PDE12: variants seen among roughly 807,000 people sequenced by gnomAD.
PDE12 encodes the protein 2',5'-phosphodiesterase 12.
Under a neutral mutation model 45.4 loss-of-function variants are expected in PDE12, and 26 were observed. The observed-to-expected ratio is 0.57, with a 90% CI of 0.42 to 0.79. PDE12 has a LOEUF of 0.79. PDE12 is among the 30% of genes least tolerant of loss of function. The pLI, the probability that PDE12 is intolerant of heterozygous loss-of-function variation, is 0.00. For missense variants in PDE12, 668 were observed against 790.0 expected, an observed-to-expected ratio of 0.85 and a Z score of 1.85; for synonymous variants, 283 against 323.9, an observed-to-expected ratio of 0.87 and a Z score of 1.36.
Position 57,559,830 on chromosome 3 carries a change from T to C in PDE12, c.1656T>C (p.Tyr552=). Residue 552 remains tyrosine, a synonymous_variant, in exon 3 of 3, where the codon TAT becomes TAC. Coordinates refer to ENST00000311180, the MANE Select transcript of PDE12 (RefSeq NM_177966.7). ...SACGEPAYTN[Y]VGGFHGCLDY... ...GTGGTGAACCTGCTTACACAAATTATGTTGGTGGCTTTCATGGATGTCTAG... is the reference window on the plus strand; with the variant it reads ...GTGGTGAACCTGCTTACACAAATTACGTTGGTGGCTTTCATGGATGTCTAG... 6.2e-7 allele frequency: 1 copy of C among 1,614,224 alleles called. No individual in the cohort carries two copies. The highest frequency in any genetic ancestry group is 2.2e-5 in the East Asian group (1 of 44,876).
At chr3:57,616,499 GGAGGAA>G in the PDE12 span, among the ~76,000 whole-genome samples, 1,418 of 151,568 alleles carry the variant, frequency 9.4e-3, 12 homozygotes, top group Non-Finnish European at 0.013. Context: ...AGGAAGAGGA[GGAGGAA>G]GAGGAAGAGG....
At chr3:57,596,126 C>T in the PDE12 span, among the ~76,000 whole-genome samples, 1 of 152,132 alleles carries the variant, frequency 6.6e-6, no homozygotes, top group African/African-American at 2.4e-5. Flanking sequence ...CTTACTTCAG[C>T]CAACTGACAG....
At chr3:57,608,381 A>G in the PDE12 span, among the ~76,000 whole-genome samples, 1 of 152,186 alleles carries the variant, frequency 6.6e-6, no homozygotes, top group African/African-American at 2.4e-5. Context: ...AAATTCACAC[A>G]TAACAATATT....
the PDE12 span, among the ~76,000 whole-genome samples, chr3:57,580,241 T>C: frequency 7.9e-5 from 12 of 152,164 alleles, no homozygotes; most frequent in Non-Finnish European, 1.8e-4. Context: ...AAAATAAAAA[T>C]ACTAACTTCA....
chr3:57,607,799 T>C, the PDE12 span, among the ~76,000 whole-genome samples: 2 of 152,154 alleles, frequency 1.3e-5, no homozygotes, highest in South Asian at 4.2e-4. Flanking sequence ...TGGAGCCACG[T>C]TGGAAAACAC....
the PDE12 span, among the ~76,000 whole-genome samples, chr3:57,654,069 T>C: frequency 7.0e-6 from 1 of 142,164 alleles, no homozygotes; most frequent in Non-Finnish European, 1.5e-5. Context: ...TGCCTCAGCC[T>C]CCCAAGTAGC....
the PDE12 span, chr3:57,597,444 A>G: frequency 8.1e-6 from 2 of 247,490 alleles, no homozygotes; most frequent in East Asian, 9.2e-5. Context: ...CAACGCGGAC[A>G]GAATCGCGTC....
the PDE12 span, among the ~76,000 whole-genome samples, chr3:57,585,647 A>G: frequency 6.8e-6 from 1 of 147,518 alleles, no homozygotes; most frequent in African/African-American, 2.5e-5. Context: ...CATCTACAAT[A>G]TAAGTAATAT....
rs758179364 is a variant in PDE12 at position 57,559,620 on chromosome 3, A to C, written c.1446A>C (p.Ser482=). Residue 482 remains serine, a synonymous_variant, in exon 3 of 3, where the codon TCA becomes TCC. Transcript: ENST00000311180. ...CCTTGGCTCACATAAGACATGTTTC[A>C]TGTGATCTGTATCCTGGCATACCAG... ...AVALAHIRHV[S]CDLYPGIPVI... is the part of the protein sequence containing the mutation. 4.3e-6 allele frequency: 7 copies of C among 1,613,850 alleles called. No homozygotes were observed. The Admixed American group carries it at 1.2e-4, about 27-fold the overall frequency.
chr3:57,573,929 G>A, the PDE12 span, among the ~76,000 whole-genome samples: 2 of 150,828 alleles, frequency 1.3e-5, no homozygotes, highest in African/African-American at 4.9e-5. Flanking sequence ...ACAGGCAATA[G>A]GTTGTTTTTT....
At chr3:57,654,878 A>G in the PDE12 span, 1 of 771,682 alleles carries the variant, frequency 1.3e-6, no homozygotes, top group East Asian at 1.3e-4. Context: ...ACTTTCATTC[A>G]CACTAATAAA....
the PDE12 span, chr3:57,633,389 G>T: frequency 6.6e-7 from 1 of 1,521,156 alleles, no homozygotes; most frequent in Non-Finnish European, 9.1e-7. Flanking sequence ...CTGTATTCTA[G>T]TGTTGGAATA....
At chr3:57,613,013 CT>C in the PDE12 span, among the ~76,000 whole-genome samples, 1 of 152,082 alleles carries the variant, frequency 6.6e-6, no homozygotes, top group African/African-American at 2.4e-5. Flanking sequence ...CGGAGTCTCG[CT>C]CTGTTACCCA....
chr3:57,598,391 T>C, the PDE12 span, among the ~76,000 whole-genome samples: 1 of 152,198 alleles, frequency 6.6e-6, no homozygotes, highest in Non-Finnish European at 1.5e-5. Flanking sequence ...ATTTTTATAT[T>C]TTTGAAGGCT....
chr3:57,573,146 G>T, the PDE12 span, among the ~76,000 whole-genome samples: 1 of 150,138 alleles, frequency 6.7e-6, no homozygotes, highest in African/African-American at 2.4e-5. Context: ...AGCTTGCAGT[G>T]AGCCGAGATC....
At chr3:57,654,314 T>C in the PDE12 span, among the ~76,000 whole-genome samples, 2 of 152,082 alleles carry the variant, frequency 1.3e-5, no homozygotes, top group East Asian at 1.9e-4. Context: ...ATATAGTATG[T>C]TATTATAATC....
At chr3:57,609,961 T>TAA in the PDE12 span, among the ~76,000 whole-genome samples, 1 of 152,116 alleles carries the variant, frequency 6.6e-6, no homozygotes, top group Non-Finnish European at 1.5e-5. Context: ...ATATCCCTGA[T>TAA]AAACATCAAT....
chr3:57,559,114 C>A (rs4681999), intron 1 of PDE12, among the ~76,000 whole-genome samples, 196 bp from the exon 2 acceptor site: 1 of 151,854 alleles, frequency 6.6e-6, no homozygotes, highest in Non-Finnish European at 1.5e-5. Flanking sequence ...CCAGCTACTC[C>A]GGAGGCAGAG....
At chr3:57,620,826 A>G in the PDE12 span, among the ~76,000 whole-genome samples, 1 of 152,230 alleles carries the variant, frequency 6.6e-6, no homozygotes, top group Non-Finnish European at 1.5e-5. Flanking sequence ...GAAAGAAAAC[A>G]TACATAAATG....
Sources: allele counts gnomAD v4.1 joint callset (sites outside exome capture counted in the v4.1 genomes callset), GRCh38; gene constraint gnomAD v4.1.1; transcripts MANE v1.5; gene names NCBI Gene and HGNC (gene_info 2026-07-23, HGNC 2026-07-21).